The following CEP128 variants were observed in gnomAD, a reference collection of about 807,000 sequenced individuals.
CEP128 encodes centrosomal protein 128, also known as centrosomal protein 128kDa.
In CEP128, 132 loss-of-function variants were observed where a neutral mutation model predicts 156.7. The ratio of observed to expected loss-of-function variants is 0.84; its 90% CI spans 0.73 to 0.97. The LOEUF (loss-of-function observed/expected upper bound fraction) is 0.97. Ranked by LOEUF, CEP128 falls within the 50% of genes least tolerant of loss-of-function variation. The pLI is 0.00. For missense variants in CEP128, 1,252 were observed against 1,281.9 expected, an observed-to-expected ratio of 0.98 and a Z score of 0.36; for synonymous variants, 469 against 448.9, an observed-to-expected ratio of 1.04 and a Z score of -0.57.
At chr14:80,822,571 G>A (rs1885248077) in intron 13 of CEP128, 1 of 697,736 alleles carries the variant, frequency 1.4e-6, no homozygotes, top group Admixed American at 1.8e-5. Context: ...ATAAAGCCAA[G>A]GTGAAGGACG....
intron 6 of CEP128, among the ~76,000 whole-genome samples, chr14:80,900,534 T>C (rs185128109): frequency 1.1e-4 from 17 of 152,340 alleles, no homozygotes; most frequent in Admixed American, 7.8e-4. Flanking sequence ...TGCCAACTCC[T>C]GCTGTACAGA....
chr14:80,521,780 T>C (rs75768011), intron 23 of CEP128, among the ~76,000 whole-genome samples: 1,704 of 152,320 alleles, frequency 0.011, 33 homozygotes, highest in African/African-American at 0.039. Flanking sequence ...GTACACTCAC[T>C]GTGTGTTCTG....
intron 24 of CEP128, among the ~76,000 whole-genome samples, chr14:80,503,112 T>G (rs917951230): frequency 6.6e-6 from 1 of 152,040 alleles, no homozygotes; most frequent in African/African-American, 2.4e-5. Context: ...ACAAGAAAAA[T>G]AGTAAAACAA....
In CEP128 at chr14:80,764,395, A is replaced by G. The variant is rs111540064; in HGVS notation, c.2377-2782T>C. Among the ~76,000 whole-genome samples the G allele has an allele frequency of 6.5e-3, 985 of 151,586 alleles. 7 individuals are homozygous for G. The highest frequency in any genetic ancestry group is 0.022 in the African/African-American group (906 of 41,386). ...GCGCCTGTAGTCCCAGCTACTCGGG[A>G]GGCTGAGGCAGGAGAATGGCGTGAA... On this transcript the variant is annotated intron_variant, in intron 16 of 24. Transcript: ENST00000555265.
At chr14:80,873,734 C>T (rs1016475242) in intron 8 of CEP128, among the ~76,000 whole-genome samples, 5 of 152,124 alleles carry the variant, frequency 3.3e-5, no homozygotes, top group African/African-American at 4.8e-5. Context: ...ACAATTCCCA[C>T]GTGTCATGGG....
At chr14:80,685,585 T>TA (rs927587358) in intron 19 of CEP128, among the ~76,000 whole-genome samples, 1 of 151,894 alleles carries the variant, frequency 6.6e-6, no homozygotes. Flanking sequence ...TTCACATAAC[T>TA]AAAAAAATTA....
chr14:80,811,913 A>C (rs1339808834), intron 13 of CEP128, among the ~76,000 whole-genome samples: 2 of 152,040 alleles, frequency 1.3e-5, no homozygotes, highest in African/African-American at 4.8e-5. Context: ...CACAAGATTT[A>C]TGTTTTTAAA....
At chr14:80,579,413 T>C (rs1319800461) in intron 20 of CEP128, among the ~76,000 whole-genome samples, 5 of 152,144 alleles carry the variant, frequency 3.3e-5, no homozygotes, top group African/African-American at 1.2e-4. Context: ...ATGTACCACT[T>C]TTACTGGATG....
At chr14:80,630,754 C>T (rs770143838) in intron 19 of CEP128, among the ~76,000 whole-genome samples, 46 of 152,022 alleles carry the variant, frequency 3.0e-4, no homozygotes, top group Non-Finnish European at 5.7e-4. Flanking sequence ...ACCAATATAA[C>T]GAAAATTAGT....
intron 9 of CEP128, among the ~76,000 whole-genome samples, chr14:80,860,127 AG>A (rs1198521030): frequency 6.6e-6 from 1 of 152,204 alleles, no homozygotes; most frequent in African/African-American, 2.4e-5. Flanking sequence ...AATAAAAAGA[AG>A]GGAAAGTGTT....
At chr14:80,933,210 C>A (rs555880384) in intron 2 of CEP128, among the ~76,000 whole-genome samples, 1 of 152,166 alleles carries the variant, frequency 6.6e-6, no homozygotes. Flanking sequence ...TGCCTTCCAG[C>A]GTCACTCCGC....
At chr14:80,482,416 G>A (rs971247453) in intron 14 of CEP128, among the ~76,000 whole-genome samples, 1 of 152,152 alleles carries the variant, frequency 6.6e-6, no homozygotes, top group Non-Finnish European at 1.5e-5. Flanking sequence ...CACTTTCTTA[G>A]TTATAATGTC....
chr14:80,747,772 G>A (rs533268137), intron 18 of CEP128, among the ~76,000 whole-genome samples: 20 of 152,172 alleles, frequency 1.3e-4, no homozygotes, highest in African/African-American at 3.6e-4. Context: ...ACACCATTGC[G>A]CTCCAGCCTA....
rs189099701 is a variant in CEP128, at chr14:80,826,061, G to A, written c.1209+5082C>T. The stretch of plus-strand genomic sequence containing the variant: ...GCGGAGGTTGCAGTGAGCCGAGATC[G>A]CACCACTGCACTCCACCCTGGGTGA... On this transcript the variant is annotated intron_variant, in intron 13 of 24. Coordinates refer to ENST00000555265, the MANE Select transcript of CEP128 (RefSeq NM_152446.5). Among the ~76,000 whole-genome samples the A allele has an allele frequency of 7.6e-4, 104 of 137,516 alleles. 1 individual carries two copies. Among genetic ancestry groups the A allele is most frequent in the Admixed American group, 1.9e-3 (24 of 12,654 alleles). 90.2% of individuals were successfully genotyped at this position (137,516 alleles called of 152,430 possible).
intron 19 of CEP128, among the ~76,000 whole-genome samples, chr14:80,638,880 T>C (rs1287509023): frequency 6.6e-6 from 1 of 152,166 alleles, no homozygotes; most frequent in African/African-American, 2.4e-5. Context: ...AGCCCCTTTA[T>C]TAGGTTTTAG....
intron 21 of CEP128, among the ~76,000 whole-genome samples, chr14:80,538,134 C>G (rs1420972690): frequency 1.3e-5 from 2 of 151,036 alleles, no homozygotes; most frequent in East Asian, 3.9e-4. Flanking sequence ...GTGTCAAGTA[C>G]TTTTCAAACA....
chr14:80,853,913 T>C (rs1887019210), intron 9 of CEP128, among the ~76,000 whole-genome samples: 1 of 151,982 alleles, frequency 6.6e-6, no homozygotes, highest in Non-Finnish European at 1.5e-5. Flanking sequence ...TCAAAAATGA[T>C]GCTGAAGCAA....
At chr14:80,669,342 A>G (rs1186882031) in intron 19 of CEP128, among the ~76,000 whole-genome samples, 1 of 152,192 alleles carries the variant, frequency 6.6e-6, no homozygotes, top group African/African-American at 2.4e-5. Context: ...AAGCTTCTGT[A>G]CAGCATAAGA....
chr14:80,527,802 T>C (rs1482161088), intron 22 of CEP128, among the ~76,000 whole-genome samples: 2 of 152,224 alleles, frequency 1.3e-5, no homozygotes, highest in African/African-American at 4.8e-5. Flanking sequence ...ATAGCTCCTT[T>C]GCTTTTAAAA....
Sources: gnomAD v4.1 joint callset for allele counts (sites outside exome capture counted in the v4.1 genomes callset) on GRCh38, gnomAD v4.1.1 for gene constraint, MANE v1.5 for transcripts, NCBI Gene and HGNC (gene_info 2026-07-23, HGNC 2026-07-21) for gene names.